IKZF1: variants seen among roughly 807,000 people sequenced by gnomAD.
IKZF1 encodes the protein DNA-binding protein Ikaros.
IKZF1 carries 10 observed loss-of-function variants against 51.7 expected under a neutral mutation model. The observed-to-expected ratio is 0.19, with a 90% CI of 0.12 to 0.33. IKZF1 has a LOEUF of 0.33. Among genes scored for constraint, IKZF1 ranks in the 10% least tolerant of loss-of-function variants. The probability of loss-of-function intolerance (pLI) is 1.00; values close to 1 mark genes in which losing one functional copy is unlikely to be tolerated. For synonymous variants in IKZF1, 280 were observed against 282.3 expected (o/e 0.99, Z 0.08); for missense variants, 484 against 707.5 (o/e 0.68, Z 3.58).
At chr7:50,380,685 C>T (rs1369582840) in intron 4 of IKZF1, among the ~76,000 whole-genome samples, 1 of 152,234 alleles carries the variant, frequency 6.6e-6, no homozygotes, top group Admixed American at 6.5e-5. Flanking sequence ...CCGTCTCATG[C>T]TGCCTGGGTC....
chr7:50,353,284 G>T (rs539562543), intron 3 of IKZF1, among the ~76,000 whole-genome samples: 4 of 152,318 alleles, frequency 2.6e-5, no homozygotes, highest in South Asian at 4.1e-4. Flanking sequence ...GAGCAAGCAA[G>T]CTGCCTTTCC....
At chr7:50,390,922 A>C (rs1219410153) in intron 6 of IKZF1, among the ~76,000 whole-genome samples, 2 of 152,210 alleles carry the variant, frequency 1.3e-5, no homozygotes, top group Non-Finnish European at 2.9e-5. Context: ...GTATTGGAAG[A>C]ATTGATCAGG....
Position 50,304,899 on chromosome 7 carries a change from C to T in IKZF1, c.-38C>T, listed in dbSNP as rs1014365451. 5.9e-5 allele frequency: 9 copies of T among 152,618 alleles called. No homozygotes were observed. Among genetic ancestry groups the T allele is most frequent in the African/African-American group, 1.9e-4 (8 of 41,402 alleles). The allele number at this position is 152,618 out of a possible 1,614,324, so 9.5% of individuals were successfully genotyped here. The stretch of plus-strand genomic sequence containing the variant: ...TCGCACCCGAGGATCAGTCTTGGCC[C>T]CAAAGCGCGACGCACAAATCCACGT... On this transcript the variant is annotated 5_prime_UTR_variant, in exon 1 of 8. Coordinates refer to ENST00000331340, the MANE Select transcript of IKZF1 (RefSeq NM_006060.6).
chr7:50,401,230 T>A lies in IKZF1; in HGVS notation c.*603T>A, dbSNP rs1818063779. The A allele has an allele frequency of 1.3e-5, 3 of 232,660 alleles. No individual in the cohort carries two copies. The highest frequency in any genetic ancestry group is 6.6e-5 in the African/African-American group (3 of 45,194). The allele number at this position is 232,660 out of a possible 1,614,324, so 14.4% of individuals were successfully genotyped here. ...TGAGAGAAAATACTATTTCAAGTCA[T>A]ATTCTGCGTAGGAAAATGAATTGGT... On this transcript the variant is annotated 3_prime_UTR_variant, in exon 8 of 8. Transcript: ENST00000331340.
chr7:50,375,234 A>G (rs1809876383), intron 3 of IKZF1, among the ~76,000 whole-genome samples: 1 of 152,228 alleles, frequency 6.6e-6, no homozygotes, highest in African/African-American at 2.4e-5. Context: ...CAGCCTGGTC[A>G]ACATGACAAG....
At chr7:50,371,901 C>T (rs2153460960) in intron 3 of IKZF1, among the ~76,000 whole-genome samples, 1 of 152,346 alleles carries the variant, frequency 6.6e-6, no homozygotes, top group South Asian at 2.1e-4. Flanking sequence ...TTTCTGTCCA[C>T]ATCTCTGATT....
rs530095022 is a variant in IKZF1 at position 50,322,822 on chromosome 7, T to C, written c.40+3721T>C. 5.9e-5 allele frequency among the ~76,000 whole-genome samples: 9 copies of C among 152,322 alleles called. No individual in the cohort carries two copies. In the East Asian group the frequency reaches 1.7e-3, roughly 29 times the overall value. The stretch of plus-strand genomic sequence containing the variant: ...ACCTGAGACAGTTATTTTTGCCTCC[T>C]GGACCACTATAGTATCATCTGTAAC... On this transcript the variant is annotated intron_variant, in intron 2 of 7. Coordinates refer to ENST00000331340, the MANE Select transcript of IKZF1 (RefSeq NM_006060.6).
At position 50,400,697 on chromosome 7, in the gene IKZF1, C is replaced by T. The variant is rs767416555; in HGVS notation, c.*70C>T. On this transcript the variant is annotated 3_prime_UTR_variant, in exon 8 of 8. Coordinates refer to ENST00000331340, the MANE Select transcript of IKZF1 (RefSeq NM_006060.6). The surrounding 1 kb of genome is among the most constrained non-coding windows in gnomAD (Gnocchi z 5.4). ...AAGCACAAGGACTGCCGCCTTCTCG[C>T]TCCCGCCAGCAGCATAGACTGGACT... The T allele has an allele frequency of 3.5e-5, 52 of 1,504,684 alleles. No homozygotes were observed. Among genetic ancestry groups the T allele is most frequent in the Non-Finnish European group, 4.6e-5 (51 of 1,118,486 alleles). The allele number at this position is 1,504,684 out of a possible 1,614,324, so 93.2% of individuals were successfully genotyped here.
rs904246541 is a variant in IKZF1, at chr7:50,367,950, A to T, written c.161-8583A>T. On this transcript the variant is annotated intron_variant, in intron 3 of 7. Transcript: ENST00000331340. ...AAGTAATGCTTTCTGTTAAACTCTG[A>T]CTATACTCTCTCCTGGTATCACAAC... The T allele has an allele frequency of 6.0e-5, 38 of 628,462 alleles. No homozygotes were observed. In the African/African-American group the frequency reaches 6.1e-4, roughly 10 times the overall value. 38.9% of individuals were successfully genotyped at this position (628,462 alleles called of 1,614,324 possible).
At chr7:50,397,888 C>G (rs74733668) in intron 7 of IKZF1, among the ~76,000 whole-genome samples, 10,671 of 152,128 alleles carry the variant, frequency 0.07, 518 homozygotes, top group South Asian at 0.093. Context: ...AGAGTATGTG[C>G]CACTTCTGAC....
At chr7:50,356,934 G>A (rs1224772113) in intron 3 of IKZF1, among the ~76,000 whole-genome samples, 5 of 151,808 alleles carry the variant, frequency 3.3e-5, no homozygotes, top group East Asian at 1.9e-4. Flanking sequence ...CCGACTGTCC[G>A]GTCTTCTGGA....
At chr7:50,387,546 C>T in intron 6 of IKZF1, 76 bp downstream of exon 6, 10 of 1,501,290 alleles carry the variant, frequency 6.7e-6, no homozygotes, top group Non-Finnish European at 8.9e-6. Context: ...GCTCTGCATG[C>T]AGCCTTAGGA....
chr7:50,362,169 A>G (rs1334380760), intron 3 of IKZF1, among the ~76,000 whole-genome samples: 1 of 152,228 alleles, frequency 6.6e-6, no homozygotes, highest in Non-Finnish European at 1.5e-5. Flanking sequence ...AGGTAGCTCC[A>G]ACAGCTGGGA....
At chr7:50,363,095 G>A (rs1805734764) in intron 3 of IKZF1, among the ~76,000 whole-genome samples, 1 of 152,208 alleles carries the variant, frequency 6.6e-6, no homozygotes, top group South Asian at 2.1e-4. Context: ...ATGGAATCCA[G>A]ATGAAGCACC....
chr7:50,314,753 C>T (rs1677495308), intron 1 of IKZF1, among the ~76,000 whole-genome samples: 1 of 152,222 alleles, frequency 6.6e-6, no homozygotes, highest in African/African-American at 2.4e-5. Context: ...TCCACAGGAG[C>T]CCCAGCAGGT....
At chr7:50,304,044 G>A (rs1450572758), upstream of IKZF1, 1 of 145,082 alleles carries the variant, frequency 6.9e-6, no homozygotes, top group East Asian at 2.0e-4. Flanking sequence ...CGGTGCGCGC[G>A]GGGGTGGCGG....
At chr7:50,349,029 A>G (rs905384369) in intron 3 of IKZF1, among the ~76,000 whole-genome samples, 1 of 152,214 alleles carries the variant, frequency 6.6e-6, no homozygotes, top group African/African-American at 2.4e-5. Flanking sequence ...GGGGTCAGCC[A>G]GTTTATAACA....
intron 3 of IKZF1, among the ~76,000 whole-genome samples, chr7:50,360,840 C>G (rs992408447): frequency 5.3e-5 from 8 of 152,354 alleles, no homozygotes; most frequent in Admixed American, 3.9e-4. Context: ...CGGCGCTGCC[C>G]CAGCATGTCC....
chr7:50,360,792 G>T (rs1457254998), intron 3 of IKZF1, among the ~76,000 whole-genome samples: 3 of 152,210 alleles, frequency 2.0e-5, no homozygotes, highest in African/African-American at 7.2e-5. Context: ...TCTCCATGTG[G>T]CAGGGAACAC....
Sources: allele counts gnomAD v4.1 joint callset (sites outside exome capture counted in the v4.1 genomes callset), GRCh38; gene constraint gnomAD v4.1.1; non-coding constraint Gnocchi (gnomAD v3.1); transcripts MANE v1.5; gene names NCBI Gene and HGNC (gene_info 2026-07-23, HGNC 2026-07-21).